OPCML: variants seen among roughly 807,000 people sequenced by gnomAD.
The protein encoded by OPCML is opioid-binding protein/cell adhesion molecule.
OPCML carries 13 observed loss-of-function variants against 37.8 expected under a neutral mutation model. That is an observed-to-expected ratio of 0.34 (90% confidence interval 0.22 to 0.55). The LOEUF (loss-of-function observed/expected upper bound fraction) is 0.55, where lower values mean the gene tolerates loss of function less well. OPCML is among the 20% of genes least tolerant of loss of function. The probability of loss-of-function intolerance (pLI) is 0.91; values close to 1 mark genes in which losing one functional copy is unlikely to be tolerated. For missense variants in OPCML, 341 were observed against 435.6 expected, an observed-to-expected ratio of 0.78 and a Z score of 1.93; for synonymous variants, 176 against 168.8, an observed-to-expected ratio of 1.04 and a Z score of -0.33.
intron 1 of OPCML, among the ~76,000 whole-genome samples, chr11:133,082,519 C>G (rs1409873367): frequency 1.2e-4 from 15 of 129,872 alleles, no homozygotes; most frequent in Non-Finnish European, 2.4e-4. Context: ...CCACCCTCCC[C>G]TCCTCCCCTC....
intron 1 of OPCML, among the ~76,000 whole-genome samples, chr11:133,341,127 A>G (rs1372159079): frequency 6.6e-6 from 1 of 152,138 alleles, no homozygotes; most frequent in Non-Finnish European, 1.5e-5. Context: ...TGTCAATTCC[A>G]TTCATTCCTG....
intron 2 of OPCML, among the ~76,000 whole-genome samples, chr11:132,796,045 A>T (rs1352340526): frequency 6.6e-6 from 1 of 152,188 alleles, no homozygotes; most frequent in African/African-American, 2.4e-5. Context: ...CATAGCATCT[A>T]CATTGTATCA....
At chr11:133,165,118 A>T (rs1182174148) in intron 1 of OPCML, among the ~76,000 whole-genome samples, 1 of 152,264 alleles carries the variant, frequency 6.6e-6, no homozygotes, top group African/African-American at 2.4e-5. Flanking sequence ...TCACAGCCAG[A>T]GCACTTACAG....
intron 1 of OPCML, among the ~76,000 whole-genome samples, chr11:133,317,921 C>T (rs923290315): frequency 6.6e-6 from 1 of 152,198 alleles, no homozygotes; most frequent in Admixed American, 6.5e-5. Flanking sequence ...CTGTTCATTG[C>T]TTGCCTATTA....
Position 133,033,662 on chromosome 11 carries a change from G to T in OPCML, c.62-90652C>A, listed in dbSNP as rs114483314. Among the ~76,000 whole-genome samples the T allele has an allele frequency of 5.6e-3, 854 of 152,276 alleles. 6 individuals carry two copies. The highest frequency in any genetic ancestry group is 0.019 in the African/African-American group (806 of 41,534). On this transcript the variant is annotated intron_variant, in intron 1 of 7. Coordinates refer to ENST00000524381, the MANE Select transcript of OPCML (RefSeq NM_001012393.5). ...TCAGCACTGCATTATTTTTTGAATA[G>T]AGCATTTTGCTATATTAACAAATCA...
At chr11:133,279,382 G>A (rs1942078241) in intron 1 of OPCML, among the ~76,000 whole-genome samples, 2 of 152,152 alleles carry the variant, frequency 1.3e-5, no homozygotes, top group Non-Finnish European at 2.9e-5. Context: ...TCAGTGCTAT[G>A]AGCCTCCCAA....
At chr11:133,052,151 A>G (rs968057963) in intron 1 of OPCML, among the ~76,000 whole-genome samples, 1 of 152,234 alleles carries the variant, frequency 6.6e-6, no homozygotes, top group African/African-American at 2.4e-5. Flanking sequence ...TGAGTAGGAC[A>G]TTAATTGAAT....
chr11:133,142,439 A>T (rs370881980), intron 1 of OPCML, among the ~76,000 whole-genome samples: 389 of 152,324 alleles, frequency 2.6e-3, no homozygotes, highest in Middle Eastern at 0.014. Flanking sequence ...TGCTCAAGAC[A>T]TTGCACTGAT....
intron 1 of OPCML, among the ~76,000 whole-genome samples, chr11:133,224,730 T>C (rs1373221733): frequency 1.3e-5 from 2 of 152,228 alleles, no homozygotes; most frequent in African/African-American, 4.8e-5. Context: ...AACATATTAA[T>C]GATAACAGAT....
chr11:133,120,803 G>T (rs1013876982), intron 1 of OPCML, among the ~76,000 whole-genome samples: 1 of 152,178 alleles, frequency 6.6e-6, no homozygotes, highest in African/African-American at 2.4e-5. Flanking sequence ...TTTCCCAGCT[G>T]GTGAGAGATG....
chr11:132,922,478 G>A (rs1003268339), intron 2 of OPCML, among the ~76,000 whole-genome samples: 3 of 152,062 alleles, frequency 2.0e-5, no homozygotes, highest in Non-Finnish European at 4.4e-5. Context: ...CACGTGTGCG[G>A]GAAGACGGAG....
chr11:133,492,242 C>T (rs947890081), intron 1 of OPCML, among the ~76,000 whole-genome samples: 13 of 152,180 alleles, frequency 8.5e-5, no homozygotes, highest in African/African-American at 3.1e-4. Context: ...ATCAACCTGC[C>T]TCCCCACCGC....
At chr11:132,532,180 T>C (rs998011361) in intron 3 of OPCML, among the ~76,000 whole-genome samples, 2 of 152,154 alleles carry the variant, frequency 1.3e-5, no homozygotes, top group Non-Finnish European at 2.9e-5. Flanking sequence ...TGTCACCCAT[T>C]AGGAAAGAGC....
chr11:132,835,613 T>G (rs1391817507), intron 2 of OPCML, among the ~76,000 whole-genome samples: 1 of 152,200 alleles, frequency 6.6e-6, no homozygotes, highest in African/African-American at 2.4e-5. Context: ...TACCCCCAAC[T>G]TACAATCAAG....
chr11:133,301,658 A>T (rs1168226159), intron 1 of OPCML: 1 of 152,206 alleles, frequency 6.6e-6, no homozygotes, highest in Non-Finnish European at 1.5e-5. Flanking sequence ...GGAAACTGGA[A>T]GTCTCACTTA....
intron 4 of OPCML, among the ~76,000 whole-genome samples, chr11:132,517,101 A>G (rs1211054976): frequency 6.6e-6 from 1 of 152,106 alleles, no homozygotes; most frequent in East Asian, 1.9e-4. Flanking sequence ...CCCATTCTAC[A>G]CGGCTCTCAG....
intron 1 of OPCML, among the ~76,000 whole-genome samples, chr11:133,317,491 A>G (rs1043545971): frequency 1.3e-5 from 2 of 152,112 alleles, no homozygotes; most frequent in Non-Finnish European, 2.9e-5. Flanking sequence ...AAAGCAAAAC[A>G]TTGTCTTTTA....
chr11:132,737,908 T>C, intron 2 of OPCML, among the ~76,000 whole-genome samples: 1 of 152,188 alleles, frequency 6.6e-6, no homozygotes, highest in South Asian at 2.1e-4. Context: ...GCAAAGCCAT[T>C]GGTATCTCTA....
At chr11:132,817,267 G>A (rs1366585157) in intron 2 of OPCML, 1 of 152,166 alleles carries the variant, frequency 6.6e-6, no homozygotes, top group Non-Finnish European at 1.5e-5. Context: ...CTGGGATAGT[G>A]CTTTACTTTT....
Sources: allele counts gnomAD v4.1 joint callset (sites outside exome capture counted in the v4.1 genomes callset), GRCh38; gene constraint gnomAD v4.1.1; transcripts MANE v1.5; gene names NCBI Gene and HGNC (gene_info 2026-07-23, HGNC 2026-07-21).